MBD5: variants seen among roughly 807,000 people sequenced by gnomAD.
The protein encoded by MBD5 is methyl-CpG binding domain protein 5, also known as methyl-CpG-binding domain protein 5.
A neutral mutation model predicts 117.3 loss-of-function variants in MBD5; 13 were observed. The ratio of observed to expected loss-of-function variants is 0.11; its 90% CI spans 0.07 to 0.18. The LOEUF is 0.18. Among genes scored for constraint, MBD5 ranks in the 10% least tolerant of loss-of-function variants. MBD5 has a pLI of 1.00. For synonymous variants in MBD5, 727 were observed against 766.4 expected (o/e 0.95, Z 0.85); for missense variants, 1,879 against 2,093.8 (o/e 0.90, Z 2.00).
intron 2 of MBD5, among the ~76,000 whole-genome samples, chr2:148,207,795 A>C (rs867315081): frequency 3.9e-5 from 6 of 152,276 alleles, no homozygotes; most frequent in Middle Eastern, 3.4e-3. Flanking sequence ...TCACAAATAA[A>C]TTCCCTAAGA....
At chr2:148,358,871 A>G (rs1038861118) in intron 4 of MBD5, among the ~76,000 whole-genome samples, 7 of 152,096 alleles carry the variant, frequency 4.6e-5, no homozygotes, top group Non-Finnish European at 1.0e-4. Flanking sequence ...TCTAATCTCT[A>G]CCTACTCTAC....
chr2:148,424,826 T>C (rs572389065), intron 4 of MBD5, among the ~76,000 whole-genome samples: 3 of 152,272 alleles, frequency 2.0e-5, no homozygotes, highest in African/African-American at 7.2e-5. Context: ...AAGATGTTCC[T>C]TGAAACCAAT....
At position 148,377,219 on chromosome 2, in the gene MBD5, G is replaced by A. The variant is rs189166190; in HGVS notation, c.-557+34883G>A. Among the ~76,000 whole-genome samples, 176 of 152,108 alleles carry A rather than the reference G, an allele frequency of 1.2e-3. 1 individual carries two copies. Among genetic ancestry groups the A allele is most frequent in the East Asian group, 3.5e-3 (18 of 5,178 alleles). The stretch of plus-strand genomic sequence containing the variant: ...TCGGATGTTCAAAGGCATTCAGCAC[G>A]GGAAAAGGATGTAGGCTGGGAGGCT... On this transcript the variant is annotated intron_variant, in intron 4 of 13. Transcript: ENST00000642680.
chr2:148,156,377 C>T (rs1316670937), intron 1 of MBD5, among the ~76,000 whole-genome samples: 1 of 152,324 alleles, frequency 6.6e-6, no homozygotes, highest in East Asian at 1.9e-4. Context: ...CCAGAAGAAA[C>T]ATCTCAAGTC....
At chr2:148,279,742 A>G (rs1201952448) in intron 3 of MBD5, among the ~76,000 whole-genome samples, 1 of 152,076 alleles carries the variant, frequency 6.6e-6, no homozygotes, top group Non-Finnish European at 1.5e-5. Context: ...TTCCTTTAAG[A>G]AGTTAATTTA....
chr2:148,374,866 T>A (rs77611137), intron 4 of MBD5, among the ~76,000 whole-genome samples: 1,951 of 152,314 alleles, frequency 0.013, 52 homozygotes, highest in African/African-American at 0.045. Context: ...TATACTTATA[T>A]TTTAAATTAT....
At chr2:148,112,622 AT>A (rs1404988624) in intron 1 of MBD5, among the ~76,000 whole-genome samples, 3 of 152,098 alleles carry the variant, frequency 2.0e-5, no homozygotes, top group African/African-American at 7.2e-5. Context: ...CTCCCAACAA[AT>A]TTAGTTTTAA....
At chr2:148,163,041 CTG>C (rs1436077715) in intron 1 of MBD5, among the ~76,000 whole-genome samples, 1 of 152,218 alleles carries the variant, frequency 6.6e-6, no homozygotes, top group Non-Finnish European at 1.5e-5. Context: ...CCCATCTTAT[CTG>C]TCTCAGCCTG....
intron 1 of MBD5, chr2:148,028,581 ATAT>A (rs1573928255): frequency 6.6e-6 from 1 of 151,978 alleles, no homozygotes; most frequent in Non-Finnish European, 1.5e-5. Flanking sequence ...TACATTCTTA[ATAT>A]TATTAGGATC....
At chr2:148,379,383 T>G (rs1048536318) in intron 4 of MBD5, among the ~76,000 whole-genome samples, 13 of 152,152 alleles carry the variant, frequency 8.5e-5, no homozygotes, top group Admixed American at 7.9e-4. Context: ...GAGAAAATAC[T>G]TGTCAACCTA....
intron 2 of MBD5, among the ~76,000 whole-genome samples, chr2:148,218,103 A>G (rs544600426): frequency 8.5e-5 from 13 of 152,334 alleles, no homozygotes; most frequent in Middle Eastern, 6.8e-3. Context: ...TATAGCCAGT[A>G]TAGTGTAGTG....
rs1697088074 is a variant in MBD5 at position 148,133,048 on chromosome 2, A to G, written c.-924-45652A>G. 1.3e-5 allele frequency among the ~76,000 whole-genome samples: 2 copies of G among 152,192 alleles called. 1 individual carries two copies. Among genetic ancestry groups the G allele is most frequent in the South Asian group, 4.1e-4 (2 of 4,834 alleles). ...AAATAATTTGTGTAACAAAAACAGC[A>G]TTTTTATTGAAAAGTGGGGATATTG... On this transcript the variant is annotated intron_variant, in intron 1 of 13. Transcript: ENST00000642680.
intron 1 of MBD5, among the ~76,000 whole-genome samples, chr2:148,177,265 A>C (rs1363535112): frequency 6.6e-6 from 1 of 152,170 alleles, no homozygotes; most frequent in East Asian, 1.9e-4. Flanking sequence ...TTAGATCACA[A>C]TTCTACACGG....
intron 3 of MBD5, among the ~76,000 whole-genome samples, chr2:148,315,537 A>G (rs1702138205): frequency 6.6e-6 from 1 of 152,190 alleles, no homozygotes; most frequent in South Asian, 2.1e-4. Flanking sequence ...GTGGACCATG[A>G]GGTATATATT....
At chr2:148,454,352 T>C (rs1319164826) in intron 4 of MBD5, among the ~76,000 whole-genome samples, 1 of 152,130 alleles carries the variant, frequency 6.6e-6, no homozygotes, top group African/African-American at 2.4e-5. Context: ...AATCATATGA[T>C]AGAATACAAT....
chr2:148,097,949 TAGGGGCACAGCAGGC>T (rs972913821), intron 1 of MBD5, among the ~76,000 whole-genome samples: 3 of 152,142 alleles, frequency 2.0e-5, no homozygotes, highest in Non-Finnish European at 4.4e-5. Context: ...ACATTGAATG[TAGGGGCACAGCAGGC>T]AGGGGCACAG....
At chr2:148,381,519 G>C (rs1704142877) in intron 4 of MBD5, among the ~76,000 whole-genome samples, 1 of 152,176 alleles carries the variant, frequency 6.6e-6, no homozygotes, top group Non-Finnish European at 1.5e-5. Flanking sequence ...TTGGAACCAA[G>C]TTGGAAAACA....
intron 1 of MBD5, among the ~76,000 whole-genome samples, chr2:148,088,603 C>A (rs901702493): frequency 1.3e-5 from 2 of 152,066 alleles, no homozygotes; most frequent in African/African-American, 2.4e-5. Context: ...TCATATCCAG[C>A]AAAACTAAGC....
chr2:148,336,077 G>T (rs189143687), intron 3 of MBD5, among the ~76,000 whole-genome samples: 11 of 152,222 alleles, frequency 7.2e-5, no homozygotes, highest in Admixed American at 7.2e-4. Context: ...TCAAAGAAAG[G>T]TCACTATCAG....
Sources: allele counts gnomAD v4.1 joint callset (sites outside exome capture counted in the v4.1 genomes callset), GRCh38; gene constraint gnomAD v4.1.1; transcripts MANE v1.5; gene names NCBI Gene and HGNC (gene_info 2026-07-23, HGNC 2026-07-21).